RHOT1: variants seen among roughly 807,000 people sequenced by gnomAD.
The protein encoded by RHOT1 is mitochondrial Rho GTPase 1.
A neutral mutation model predicts 95.3 loss-of-function variants in RHOT1; 27 were observed. The observed-to-expected ratio is 0.28, with a 90% CI of 0.21 to 0.39. RHOT1 has a LOEUF of 0.39. RHOT1 is among the 10% of genes least tolerant of loss of function. RHOT1 has a pLI of 1.00. For synonymous variants in RHOT1, 227 were observed against 263.5 expected (o/e 0.86, Z 1.34); for missense variants, 578 against 786.7 (o/e 0.73, Z 3.17).
chr17:32,146,835 A>T (rs1355454624), intron 1 of RHOT1, among the ~76,000 whole-genome samples: 1 of 150,382 alleles, frequency 6.6e-6, no homozygotes, highest in Admixed American at 6.7e-5. Context: ...GCTCACTGTA[A>T]CCTCAGCCTC....
rs1291451827 is a variant in RHOT1 at position 32,154,528 on chromosome 17, G to A, written c.37+11799G>A. On this transcript the variant is annotated intron_variant, in intron 1 of 19. Coordinates refer to ENST00000545287, the MANE Select transcript of RHOT1 (RefSeq NM_001033566.3). ...TGTGACCCTGGGAGGCAGAGCTTAC[G>A]GTGAGCAGAGACGGCGCCACTGCAC... 7.3e-5 allele frequency among the ~76,000 whole-genome samples: 11 copies of A among 149,678 alleles called. No homozygotes were observed. The South Asian group carries it at 8.6e-4, about 12-fold the overall frequency.
Position 32,199,523 on chromosome 17 carries a change from C to A in RHOT1, c.1073C>A (p.Thr358Asn). ...TGTACCAATGAAAGAGGCTGGATAACCTACCAGGGATTCCTTTCCCAGTGG... is the reference window on the plus strand; with the variant it reads ...TGTACCAATGAAAGAGGCTGGATAAACTACCAGGGATTCCTTTCCCAGTGG... ...TVCTNERGWITYQGFLSQWTL... is the reference protein window; with the variant it reads ...TVCTNERGWINYQGFLSQWTL... Residue 358 changes from threonine (T) to asparagine (N), a missense_variant, in exon 13 of 20, where the codon ACC becomes AAC. Coordinates refer to ENST00000545287, the MANE Select transcript of RHOT1 (RefSeq NM_001033566.3). 6.2e-7 allele frequency: 1 copy of A among 1,610,956 alleles called. No homozygotes were observed. The highest frequency in any genetic ancestry group is 1.7e-4 in the Middle Eastern group (1 of 6,058).
intron 19 of RHOT1, among the ~76,000 whole-genome samples, chr17:32,219,799 A>C (rs1473118336): frequency 3.3e-5 from 5 of 152,228 alleles, no homozygotes; most frequent in Admixed American, 2.0e-4. Context: ...AAGCTCTAAC[A>C]AACTGCGAAT....
At chr17:32,149,659 GTGTA>G (rs1280182310) in intron 1 of RHOT1, among the ~76,000 whole-genome samples, 2 of 131,668 alleles carry the variant, frequency 1.5e-5, no homozygotes, top group African/African-American at 6.0e-5. Flanking sequence ...GTGTGTGTGT[GTGTA>G]TACACACATG....
chr17:32,212,673 A>T (rs935827589), intron 19 of RHOT1, among the ~76,000 whole-genome samples: 2 of 150,948 alleles, frequency 1.3e-5, no homozygotes, highest in African/African-American at 2.4e-5. Flanking sequence ...TGCTTTTATT[A>T]TTTTTTTTTA....
chr17:32,163,456 G>A (rs2033749311), intron 1 of RHOT1, among the ~76,000 whole-genome samples: 1 of 152,220 alleles, frequency 6.6e-6, no homozygotes, highest in African/African-American at 2.4e-5. Context: ...CCAAGGCTGG[G>A]TGTGGTGGCT....
intron 19 of RHOT1, among the ~76,000 whole-genome samples, chr17:32,223,381 C>T (rs1305648597): frequency 6.6e-6 from 1 of 151,080 alleles, no homozygotes; most frequent in Non-Finnish European, 1.5e-5. Flanking sequence ...TAGACAGTCT[C>T]TCTAAGCTCT....
In RHOT1 at chr17:32,193,163, C is replaced by G. The variant is rs2036625025; in HGVS notation, c.667C>G (p.Pro223Ala). 2 of 1,612,336 alleles carry G rather than the reference C, an allele frequency of 1.2e-6. No individual in the cohort carries two copies. The highest frequency in any genetic ancestry group is 1.7e-5 in the Admixed American group (1 of 59,882). The change falls in exon 10 of 20, where the codon CCT becomes GCT. Residue 223 changes from proline (P) to alanine (A), a missense_variant. Physicochemically the swap from Pro to Ala is conservative, Grantham distance 27. Around this residue, in one of 4 missense-constraint regions of RHOT1, gnomAD observed 227 missense variants for 316.0 expected, o/e 0.72. Coordinates refer to ENST00000545287, the MANE Select transcript of RHOT1 (RefSeq NM_001033566.3). ...GATTTGTTTCAACACTCCATTAGCTCCTCAAGCTCTGGAGGATGTCAAGAA... is the reference window on the plus strand; with the variant it reads ...GATTTGTTTCAACACTCCATTAGCTGCTCAAGCTCTGGAGGATGTCAAGAA... ...QRICFNTPLA[P>A]QALEDVKNVV... is the part of the protein sequence containing the mutation.
chr17:32,144,915 C>T (rs2031073348), intron 1 of RHOT1, among the ~76,000 whole-genome samples: 1 of 151,998 alleles, frequency 6.6e-6, no homozygotes, highest in African/African-American at 2.4e-5. Context: ...ATTGCTTGAA[C>T]CCAGAAAATC....
chr17:32,199,078 T>A, intron 12 of RHOT1, 47 bp downstream of exon 12: 1 of 1,331,668 alleles, frequency 7.5e-7, no homozygotes, highest in Non-Finnish European at 1.1e-6. Context: ...AAAACATTTT[T>A]CTATGGATGA....
intron 1 of RHOT1, among the ~76,000 whole-genome samples, chr17:32,158,777 A>G (rs996752044): frequency 1.3e-5 from 2 of 152,132 alleles, no homozygotes; most frequent in Admixed American, 6.5e-5. Flanking sequence ...TATTTTAGCT[A>G]TAAGTTCTTT....
At chr17:32,155,481 T>G (rs2032864206) in intron 1 of RHOT1, among the ~76,000 whole-genome samples, 4 of 151,294 alleles carry the variant, frequency 2.6e-5, no homozygotes, top group Admixed American at 2.6e-4. Flanking sequence ...TCTTTTCTTT[T>G]TCTTTCTTTC....
chr17:32,156,307 A>G (rs2032958900), intron 1 of RHOT1, among the ~76,000 whole-genome samples: 1 of 152,136 alleles, frequency 6.6e-6, no homozygotes, highest in African/African-American at 2.4e-5. Context: ...CCCATCCTGG[A>G]CCAGCTTGGC....
At chr17:32,185,103 C>CT (rs2035933292) in intron 8 of RHOT1, among the ~76,000 whole-genome samples, 1 of 151,386 alleles carries the variant, frequency 6.6e-6, no homozygotes, top group Non-Finnish European at 1.5e-5. Context: ...TTTTTCTTTT[C>CT]TTTTTTCTTT....
intron 10 of RHOT1, 126 bp from the exon 11 acceptor site, chr17:32,193,861 T>G (rs2036676395): frequency 8.3e-7 from 1 of 1,209,550 alleles, no homozygotes; most frequent in Non-Finnish European, 1.1e-6. Context: ...GAATTTTGTT[T>G]TGTTTTGAGC....
chr17:32,222,082 TAAATGTAA>T (rs1028137122), intron 19 of RHOT1, among the ~76,000 whole-genome samples: 11 of 152,316 alleles, frequency 7.2e-5, no homozygotes, highest in African/African-American at 1.2e-4. Context: ...AGTTAAAAAA[TAAATGTAA>T]AAATGTAAAA....
chr17:32,189,052 C>A (rs1487328146), intron 8 of RHOT1, among the ~76,000 whole-genome samples: 2 of 152,206 alleles, frequency 1.3e-5, no homozygotes, highest in Admixed American at 1.3e-4. Flanking sequence ...GTAATCCCAG[C>A]ACTTTGGGAG....
chr17:32,202,627 G>A (rs1015183732), intron 14 of RHOT1, 143 bp from the exon 15 acceptor site: 2 of 616,360 alleles, frequency 3.2e-6, no homozygotes, highest in Non-Finnish European at 5.5e-6. Flanking sequence ...CAGCTTGACT[G>A]TTGTACAATA....
At position 32,142,672 on chromosome 17, in the gene RHOT1, C is replaced by T. The variant is rs2030522430; in HGVS notation, c.-21C>T. 3 of 1,526,826 alleles carry T rather than the reference C, an allele frequency of 2.0e-6. No homozygotes were observed. Among genetic ancestry groups the T allele is most frequent in the Admixed American group, 2.1e-5 (1 of 48,198 alleles). 94.6% of individuals were successfully genotyped at this position (1,526,826 alleles called of 1,614,324 possible). A position where few individuals can be genotyped will look rare whatever the true frequency, so the allele number is the denominator to read the frequency against. On this transcript the variant is annotated 5_prime_UTR_variant, in exon 1 of 20. Coordinates refer to ENST00000545287, the MANE Select transcript of RHOT1 (RefSeq NM_001033566.3). ...CCACTCCGTGCGTGCGGGCGGAGGC[C>T]GGCCCCCGAGAGCCGCCGACATGAA...
Sources: allele counts gnomAD v4.1 joint callset (sites outside exome capture counted in the v4.1 genomes callset), GRCh38; gene constraint gnomAD v4.1.1; regional missense constraint gnomAD v4.1.1; transcripts MANE v1.5; gene names NCBI Gene and HGNC (gene_info 2026-07-23, HGNC 2026-07-21).